Variants in KATNA1 observed in about 807,000 individuals in gnomAD.
KATNA1 encodes the protein katanin p60 ATPase-containing subunit A1.
A neutral mutation model predicts 62.6 loss-of-function variants in KATNA1; 42 were observed. The ratio of observed to expected loss-of-function variants is 0.67; its 90% CI spans 0.52 to 0.87. The LOEUF (loss-of-function observed/expected upper bound fraction) is 0.87, where lower values mean the gene tolerates loss of function less well. KATNA1 is among the 40% of genes least tolerant of loss of function. The pLI, the probability that KATNA1 is intolerant of heterozygous loss-of-function variation, is 0.00. For missense variants in KATNA1, 498 were observed against 612.5 expected (o/e 0.81, Z 1.97); for synonymous variants, 186 against 201.9 (o/e 0.92, Z 0.67).
At chr6:149,612,627 G>A (rs1260426685) in intron 4 of KATNA1, among the ~76,000 whole-genome samples, 1 of 152,132 alleles carries the variant, frequency 6.6e-6, no homozygotes, top group East Asian at 1.9e-4. Flanking sequence ...GAAATCAGAT[G>A]AAGACAGTTC....
chr6:149,613,324 T>C (rs1233458986), intron 4 of KATNA1, among the ~76,000 whole-genome samples: 2 of 151,132 alleles, frequency 1.3e-5, no homozygotes, highest in African/African-American at 4.9e-5. Context: ...CAAGGACATC[T>C]ACTTTGTCAC....
At chr6:149,600,219 A>G (rs1278002003) in intron 7 of KATNA1, among the ~76,000 whole-genome samples, 1 of 137,416 alleles carries the variant, frequency 7.3e-6, no homozygotes, top group African/African-American at 2.6e-5. Context: ...AAAAAAAAAA[A>G]AGCTGAACAC....
intron 3 of KATNA1, among the ~76,000 whole-genome samples, chr6:149,629,959 T>C (rs1318645600): frequency 1.3e-5 from 2 of 152,178 alleles, no homozygotes; most frequent in Non-Finnish European, 2.9e-5. Context: ...AATTAAATAA[T>C]ACATGTAAAA....
At chr6:149,605,098 G>A (rs1778687607) in intron 4 of KATNA1, among the ~76,000 whole-genome samples, 2 of 151,718 alleles carry the variant, frequency 1.3e-5, no homozygotes, top group African/African-American at 4.8e-5. Context: ...GTGTGAACCC[G>A]GGAGGCAGAG....
Position 149,598,128 on chromosome 6 carries a change from G to C in KATNA1, c.1015+96C>G, listed in dbSNP as rs1012442152. On this transcript the variant is annotated intron_variant, in intron 8 of 10. Coordinates refer to ENST00000367411, the MANE Select transcript of KATNA1 (RefSeq NM_007044.4). Reference sequence around the variant, plus strand: ...AGTTAAGAATACCTATTAAAAGCTTGGGTTAGCACTATGAGTAAAGTTTGA... The same window carrying C: ...AGTTAAGAATACCTATTAAAAGCTTCGGTTAGCACTATGAGTAAAGTTTGA... 8 of 1,349,972 alleles carry C rather than the reference G, an allele frequency of 5.9e-6. No individual in the cohort carries two copies. The African/African-American group carries it at 1.2e-4, about 20-fold the overall frequency. The allele number at this position is 1,349,972 out of a possible 1,614,324, so 83.6% of individuals were successfully genotyped here.
In KATNA1 at chr6:149,638,500, A is replaced by G. The variant is rs367757274; in HGVS notation, c.48T>C (p.Tyr16=). 2.0e-5 allele frequency: 32 copies of G among 1,613,736 alleles called. No homozygotes were observed. Among genetic ancestry groups the G allele is most frequent in the Non-Finnish European group, 2.5e-5 (30 of 1,179,838 alleles). Residue 16 remains tyrosine (Y), a synonymous_variant, in exon 2 of 11, where the codon TAT becomes TAC. Coordinates refer to ENST00000367411, the MANE Select transcript of KATNA1 (RefSeq NM_007044.4). ...ISENVKLARE[Y]ALLGNYDSAM... is the part of the protein sequence containing the mutation. ...CAGAGTCATAGTTTCCCAGCAATGCATATTCACGAGCCAATTTTACATTCT... is the reference window on the plus strand; with the variant it reads ...CAGAGTCATAGTTTCCCAGCAATGCGTATTCACGAGCCAATTTTACATTCT...
intron 1 of KATNA1, among the ~76,000 whole-genome samples, chr6:149,645,456 C>CCA (rs1554227145): frequency 1.6e-5 from 2 of 123,800 alleles, no homozygotes; most frequent in Non-Finnish European, 3.5e-5. Context: ...AAACAAAAAA[C>CCA]AAAAAAAAAA....
chr6:149,604,091 TAATC>T (rs1222657318), intron 5 of KATNA1, among the ~76,000 whole-genome samples: 3 of 152,200 alleles, frequency 2.0e-5, no homozygotes, highest in African/African-American at 7.2e-5. Flanking sequence ...CATGTAATAT[TAATC>T]AAGTTGAGAA....
intron 4 of KATNA1, among the ~76,000 whole-genome samples, chr6:149,622,392 T>C (rs930247754): frequency 6.6e-6 from 1 of 152,110 alleles, no homozygotes; most frequent in Non-Finnish European, 1.5e-5. Flanking sequence ...TTCTGAAATA[T>C]TGAAGGTTAA....
At chr6:149,600,494 A>G (rs892488183) in intron 7 of KATNA1, among the ~76,000 whole-genome samples, 1 of 151,964 alleles carries the variant, frequency 6.6e-6, no homozygotes, top group Non-Finnish European at 1.5e-5. Context: ...TTAGCCAGGC[A>G]TGGTAGTGCA....
intron 5 of KATNA1, 67 bp downstream of exon 5, chr6:149,604,594 A>G: frequency 6.4e-7 from 1 of 1,550,694 alleles, no homozygotes; most frequent in Non-Finnish European, 8.9e-7. Flanking sequence ...ACATGCTCAC[A>G]TTTGCTCCAT....
chr6:149,636,908 C>G (rs1780085219), intron 2 of KATNA1, among the ~76,000 whole-genome samples: 1 of 151,952 alleles, frequency 6.6e-6, no homozygotes, highest in Non-Finnish European at 1.5e-5. Flanking sequence ...TCCCAAAGTG[C>G]TGGGATTACA....
chr6:149,608,992 C>G (rs1264120827), intron 4 of KATNA1, among the ~76,000 whole-genome samples: 1 of 152,142 alleles, frequency 6.6e-6, no homozygotes, highest in Non-Finnish European at 1.5e-5. Context: ...TGAAAATGTC[C>G]AGGTTTCAAC....
In KATNA1 at chr6:149,632,759, C is replaced by T. The variant is rs1779897729; in HGVS notation, c.320G>A (p.Arg107Lys). Residue 107 changes from arginine (R) to lysine (K), a missense_variant and splice_region_variant, in exon 3 of 11, where the codon AGA becomes AAA. This residue lies in a region of KATNA1 where 203 missense variants were observed against 198.4 expected (regional missense o/e 1.02). Transcript: ENST00000367411. ...GGTTTCTTAAAAGGTTTCCACTTAC[C>T]TTCGTTCAACAGGTACAGGCATGGA... is the stretch of plus-strand genomic sequence containing the variant. ...VWSMPVPVER[R>K]PSPGPRKRQS... The T allele has an allele frequency of 6.3e-7, 1 of 1,598,832 alleles. No homozygotes were observed. Among genetic ancestry groups the T allele is most frequent in the South Asian group, 1.1e-5 (1 of 88,066 alleles).
intron 7 of KATNA1, among the ~76,000 whole-genome samples, chr6:149,599,161 G>A (rs1470548936): frequency 3.9e-5 from 6 of 152,110 alleles, no homozygotes; most frequent in Middle Eastern, 3.4e-3. Context: ...TGTACCTAGT[G>A]GGATAATTTC....
At chr6:149,635,099 C>T (rs1411014274) in intron 2 of KATNA1, among the ~76,000 whole-genome samples, 1 of 152,042 alleles carries the variant, frequency 6.6e-6, no homozygotes, top group Admixed American at 6.6e-5. Flanking sequence ...TCTTGGGCAA[C>T]ATAACAATAA....
intron 2 of KATNA1, among the ~76,000 whole-genome samples, chr6:149,637,914 A>G (rs559328144): frequency 2.6e-5 from 4 of 152,332 alleles, no homozygotes; most frequent in African/African-American, 9.6e-5. Flanking sequence ...TATTATTCAT[A>G]TAATAAAGTG....
chr6:149,626,257 A>G (rs1016457165), intron 3 of KATNA1, among the ~76,000 whole-genome samples: 4 of 147,440 alleles, frequency 2.7e-5, no homozygotes, highest in Non-Finnish European at 6.0e-5. Flanking sequence ...TACTCTCTAT[A>G]TAATATAGTG....
At chr6:149,599,667 G>A (rs1293437624) in intron 7 of KATNA1, among the ~76,000 whole-genome samples, 1 of 151,782 alleles carries the variant, frequency 6.6e-6, no homozygotes, top group Non-Finnish European at 1.5e-5. Flanking sequence ...ACAGGTGCAC[G>A]CCACCACACC....
Sources: gnomAD v4.1 joint callset for allele counts (sites outside exome capture counted in the v4.1 genomes callset) on GRCh38, gnomAD v4.1.1 for gene constraint, gnomAD v4.1.1 regional missense constraint, MANE v1.5 for transcripts, NCBI Gene and HGNC (gene_info 2026-07-23, HGNC 2026-07-21) for gene names.